Variants in HIVEP3 observed in about 807,000 individuals in gnomAD.
HIVEP3 encodes transcription factor HIVEP3.
A neutral mutation model predicts 152.8 loss-of-function variants in HIVEP3; 49 were observed. That is an observed-to-expected ratio of 0.32 (90% CI 0.26 to 0.41). The LOEUF (loss-of-function observed/expected upper bound fraction) is 0.41, where lower values mean the gene tolerates loss of function less well. Ranked by LOEUF, HIVEP3 falls within the 10% of genes least tolerant of loss-of-function variation. The pLI, the probability that HIVEP3 is intolerant of heterozygous loss-of-function variation, is 1.00. For synonymous variants in HIVEP3, 1,269 were observed against 1,289.0 expected, an observed-to-expected ratio of 0.98 and a Z score of 0.33; for missense variants, 2,790 against 3,103.3, an observed-to-expected ratio of 0.90 and a Z score of 2.40.
chr1:41,961,101 T>TG (rs1157165847), intron 1 of HIVEP3, among the ~76,000 whole-genome samples: 2 of 152,202 alleles, frequency 1.3e-5, no homozygotes, highest in African/African-American at 4.8e-5. Flanking sequence ...CTGCAACAAT[T>TG]GTGCCAAGTT....
At chr1:41,949,913 C>A (rs1479407032) in intron 1 of HIVEP3, among the ~76,000 whole-genome samples, 4 of 152,092 alleles carry the variant, frequency 2.6e-5, no homozygotes, top group Non-Finnish European at 5.9e-5. Context: ...CCTACTATGC[C>A]CCAGTTCAGC....
chr1:41,886,152 C>T (rs1426912861), intron 1 of HIVEP3, among the ~76,000 whole-genome samples: 3 of 152,018 alleles, frequency 2.0e-5, no homozygotes, highest in African/African-American at 7.3e-5. Flanking sequence ...ATACATTTCC[C>T]CTCATGTTCA....
chr1:41,585,966 A>T (rs1570018057), intron 3 of HIVEP3, among the ~76,000 whole-genome samples: 1 of 152,010 alleles, frequency 6.6e-6, no homozygotes, highest in Admixed American at 6.5e-5. Context: ...CCCATTGCTA[A>T]CCCGCACCCC....
At chr1:41,900,719 A>G (rs1045530104) in intron 1 of HIVEP3, among the ~76,000 whole-genome samples, 1 of 151,996 alleles carries the variant, frequency 6.6e-6, no homozygotes, top group Non-Finnish European at 1.5e-5. Context: ...CTTCACACAT[A>G]TGGGCCTCCC....
chr1:41,632,678 C>T (rs1486097617), intron 2 of HIVEP3, among the ~76,000 whole-genome samples: 1 of 152,040 alleles, frequency 6.6e-6, no homozygotes, highest in African/African-American at 2.4e-5. Flanking sequence ...ATTGCTTGAA[C>T]CCAAGAGACA....
intron 1 of HIVEP3, among the ~76,000 whole-genome samples, chr1:41,771,670 G>A (rs898059713): frequency 6.6e-6 from 1 of 151,888 alleles, no homozygotes; most frequent in African/African-American, 2.4e-5. Flanking sequence ...AGGTTTTTTT[G>A]TTTTGTTTTG....
chr1:41,704,478 T>A (rs1194462375), intron 1 of HIVEP3, among the ~76,000 whole-genome samples: 1 of 152,260 alleles, frequency 6.6e-6, no homozygotes, highest in South Asian at 2.1e-4. Flanking sequence ...TAGCAGCCTG[T>A]ATGCAGCTGC....
At chr1:41,565,522 T>C (rs1379936552) in intron 5 of HIVEP3, among the ~76,000 whole-genome samples, 1 of 130,626 alleles carries the variant, frequency 7.7e-6, no homozygotes, top group Admixed American at 8.4e-5. Flanking sequence ...TGATAAAAAC[T>C]GAAAGACACA....
At chr1:41,867,063 G>A (rs1643990554) in intron 1 of HIVEP3, among the ~76,000 whole-genome samples, 1 of 152,184 alleles carries the variant, frequency 6.6e-6, no homozygotes. Context: ...TGGAGAGCCA[G>A]GGCCAGTCTT....
chr1:41,681,886 C>T (rs1391132260), intron 2 of HIVEP3, among the ~76,000 whole-genome samples: 1 of 152,226 alleles, frequency 6.6e-6, no homozygotes, highest in African/African-American at 2.4e-5. Flanking sequence ...GATTCATTTA[C>T]AAATCTGCTC....
intron 1 of HIVEP3, among the ~76,000 whole-genome samples, chr1:41,891,499 C>T (rs987447769): frequency 9.2e-5 from 14 of 152,168 alleles, no homozygotes; most frequent in African/African-American, 2.4e-4. Context: ...GCTGCAAAGA[C>T]GGGCTGCCCC....
chr1:41,827,432 G>A (rs1642836478), intron 1 of HIVEP3, among the ~76,000 whole-genome samples: 1 of 151,838 alleles, frequency 6.6e-6, no homozygotes, highest in African/African-American at 2.4e-5. Context: ...ACCCTCTTAT[G>A]CCTAGTTCTA....
chr1:41,882,451 C>G (rs1644277808), intron 1 of HIVEP3, among the ~76,000 whole-genome samples: 1 of 152,192 alleles, frequency 6.6e-6, no homozygotes, highest in Admixed American at 6.5e-5. Context: ...AGACAGAAGG[C>G]TGTGGTCATC....
chr1:41,966,342 T>C (rs1436749780), intron 1 of HIVEP3, among the ~76,000 whole-genome samples: 3 of 152,108 alleles, frequency 2.0e-5, no homozygotes, highest in African/African-American at 7.2e-5. Flanking sequence ...AATAACCAGA[T>C]AGCATCATGA....
At chr1:41,920,651 C>G (rs1383717919), upstream of HIVEP3, among the ~76,000 whole-genome samples, 2 of 150,336 alleles carry the variant, frequency 1.3e-5, no homozygotes, top group Admixed American at 6.6e-5. Context: ...CATCTAACAT[C>G]TCAGGCACCA....
At chr1:41,670,323 C>A (rs984517175) in intron 2 of HIVEP3, among the ~76,000 whole-genome samples, 2 of 152,158 alleles carry the variant, frequency 1.3e-5, no homozygotes, top group Non-Finnish European at 2.9e-5. Context: ...GCAGTTCCAG[C>A]AGAAGGACCC....
At chr1:41,993,341 A>T (rs1444873847) in intron 1 of HIVEP3, among the ~76,000 whole-genome samples, 2 of 151,356 alleles carry the variant, frequency 1.3e-5, no homozygotes, top group African/African-American at 4.9e-5. Flanking sequence ...TGGGCAAAGG[A>T]CATGAACAGA....
In HIVEP3 at chr1:41,558,760, A is replaced by G. The variant is rs980010317; in HGVS notation, c.5207+16784T>C. On this transcript the variant is annotated intron_variant, in intron 5 of 8. Transcript: ENST00000372583. The stretch of plus-strand genomic sequence containing the variant: ...GCCTACCCTTGGCTCTAGTCTCTAA[A>G]AACTTTGTCCAGCCCCCTGGCTGGC... Among the ~76,000 whole-genome samples, 3 of 152,120 alleles carry G rather than the reference A, an allele frequency of 2.0e-5. No individual in the cohort carries two copies. The East Asian group carries it at 5.8e-4, about 29-fold the overall frequency.
chr1:41,794,928 AATTTATTT>A (rs1436147287), intron 1 of HIVEP3, among the ~76,000 whole-genome samples: 1 of 152,132 alleles, frequency 6.6e-6, no homozygotes, highest in Non-Finnish European at 1.5e-5. Context: ...CAAAACTAGA[AATTTATTT>A]ATTTATTTAG....
Sources: gnomAD v4.1 joint callset for allele counts (sites outside exome capture counted in the v4.1 genomes callset) on GRCh38, gnomAD v4.1.1 for gene constraint, MANE v1.5 for transcripts, NCBI Gene and HGNC (gene_info 2026-07-23, HGNC 2026-07-21) for gene names.